The following CCDC91 variants were observed in gnomAD, a reference collection of about 807,000 sequenced individuals.
CCDC91 encodes the protein coiled-coil domain containing 91.
In CCDC91, 48 loss-of-function variants were observed where a neutral mutation model predicts 63.2. The observed-to-expected ratio is 0.76, with a 90% CI of 0.60 to 0.97. The LOEUF (loss-of-function observed/expected upper bound fraction) is 0.97, where lower values mean the gene tolerates loss of function less well. CCDC91 is among the 50% of genes least tolerant of loss of function. The probability of loss-of-function intolerance (pLI) is 0.00; values close to 1 mark genes in which losing one functional copy is unlikely to be tolerated. For missense variants in CCDC91, 500 were observed against 494.6 expected, an observed-to-expected ratio of 1.01 and a Z score of -0.10; for synonymous variants, 167 against 165.8, an observed-to-expected ratio of 1.01 and a Z score of -0.06.
chr12:28,507,458 A>G (rs781647962), intron 12 of CCDC91, among the ~76,000 whole-genome samples: 19 of 152,006 alleles, frequency 1.2e-4, no homozygotes, highest in Non-Finnish European at 2.5e-4. Context: ...AATCACTGCC[A>G]GTTTTCTCAA....
chr12:28,506,700 C>G (rs1275797110), intron 12 of CCDC91, among the ~76,000 whole-genome samples: 1 of 151,710 alleles, frequency 6.6e-6, no homozygotes, highest in East Asian at 2.0e-4. Flanking sequence ...GGTAAGAAAA[C>G]TAAAGCTTTG....
At chr12:28,476,722 G>A (rs1426938487) in intron 11 of CCDC91, among the ~76,000 whole-genome samples, 1 of 151,948 alleles carries the variant, frequency 6.6e-6, no homozygotes, top group Non-Finnish European at 1.5e-5. Flanking sequence ...TAGACCACTA[G>A]CAAGACTAAT....
intron 3 of CCDC91, among the ~76,000 whole-genome samples, chr12:28,281,710 G>C (rs1948618374): frequency 6.6e-6 from 1 of 152,142 alleles, no homozygotes; most frequent in African/African-American, 2.4e-5. Context: ...ATTAGCAACA[G>C]TGTTGTTAGA....
At chr12:28,466,161 T>C (rs1950540098) in intron 11 of CCDC91, among the ~76,000 whole-genome samples, 1 of 152,000 alleles carries the variant, frequency 6.6e-6, no homozygotes, top group South Asian at 2.1e-4. Flanking sequence ...AAACAGGCTA[T>C]ACACAAAGGA....
At chr12:28,228,379 C>T (rs957554965) in intron 1 of CCDC91, among the ~76,000 whole-genome samples, 1 of 152,064 alleles carries the variant, frequency 6.6e-6, no homozygotes, top group African/African-American at 2.4e-5. Context: ...GCAAGTCTGT[C>T]TTTCTATTAA....
chr12:28,217,060 C>T (rs908491675), intron 1 of CCDC91, among the ~76,000 whole-genome samples: 15 of 152,082 alleles, frequency 9.9e-5, no homozygotes, highest in African/African-American at 3.6e-4. Context: ...ATTACTACTG[C>T]TTCCCTGTTA....
intron 11 of CCDC91, among the ~76,000 whole-genome samples, chr12:28,483,786 G>A (rs1383334603): frequency 6.6e-6 from 1 of 152,074 alleles, no homozygotes; most frequent in Non-Finnish European, 1.5e-5. Context: ...TGAAAGGTTG[G>A]TAGGGAAGCC....
intron 12 of CCDC91, among the ~76,000 whole-genome samples, chr12:28,493,139 A>G (rs1211507561): frequency 6.6e-6 from 1 of 151,658 alleles, no homozygotes; most frequent in Non-Finnish European, 1.5e-5. Flanking sequence ...AATCCTCACA[A>G]CAACCCTAAA....
intron 3 of CCDC91, among the ~76,000 whole-genome samples, chr12:28,299,833 T>C (rs1225363400): frequency 6.6e-6 from 1 of 151,628 alleles, no homozygotes; most frequent in African/African-American, 2.4e-5. Context: ...GGATATTTTT[T>C]ATTCCCTCAA....
chr12:28,387,637 A>T (rs1213239965), intron 7 of CCDC91, among the ~76,000 whole-genome samples: 1 of 151,910 alleles, frequency 6.6e-6, no homozygotes, highest in African/African-American at 2.4e-5. Flanking sequence ...AGAACATGTG[A>T]TGTTTGGTTT....
intron 1 of CCDC91, among the ~76,000 whole-genome samples, chr12:28,220,302 A>G (rs1943851266): frequency 6.6e-6 from 1 of 152,090 alleles, no homozygotes; most frequent in Admixed American, 6.6e-5. Flanking sequence ...TGTAATGTCT[A>G]CAATATACAT....
intron 12 of CCDC91, among the ~76,000 whole-genome samples, chr12:28,519,275 G>A (rs1940311310): frequency 6.6e-6 from 1 of 150,464 alleles, no homozygotes; most frequent in African/African-American, 2.4e-5. Flanking sequence ...CCTTAGTTAG[G>A]TATATTGCTA....
chr12:28,334,749 A>G (rs1193501986), intron 6 of CCDC91, among the ~76,000 whole-genome samples: 1 of 152,170 alleles, frequency 6.6e-6, no homozygotes, highest in Non-Finnish European at 1.5e-5. Context: ...ATATACATTT[A>G]CCTTACAGGA....
At chr12:28,431,058 C>T (rs1948599766) in intron 8 of CCDC91, among the ~76,000 whole-genome samples, 2 of 152,216 alleles carry the variant, frequency 1.3e-5, no homozygotes, top group Middle Eastern at 3.4e-3. Flanking sequence ...AATCTCTCTT[C>T]ATTGTTGAGT....
rs79896392 is a variant in CCDC91 at position 28,238,663 on chromosome 12, C to T, written c.-14-18539C>T. 4.4e-3 allele frequency among the ~76,000 whole-genome samples: 667 copies of T among 152,156 alleles called. 8 individuals carry two copies. The highest frequency in any genetic ancestry group is 0.013 in the African/African-American group (560 of 41,508). On this transcript the variant is annotated intron_variant, in intron 1 of 12. Coordinates refer to ENST00000536442, the MANE Select transcript of CCDC91 (RefSeq NM_018318.5). ...CAAAAACTGGAAATGCAATTTATGT[C>T]TATCAGTAGGGGAATTGTGAATGTA...
chr12:28,206,808 A>G (rs1324407031), intron 1 of CCDC91, among the ~76,000 whole-genome samples: 2 of 152,230 alleles, frequency 1.3e-5, no homozygotes, highest in South Asian at 2.1e-4. Flanking sequence ...CTATCATGCT[A>G]TAGAGCCTAT....
rs552789442 is a variant in CCDC91, at chr12:28,314,699, G to A, written c.576+6950G>A. ...GAATTGTAGTCTGACAAGAGAAAGAGTAATTAATAAATGGAATGTGTGTAA... is the reference window on the plus strand; with the variant it reads ...GAATTGTAGTCTGACAAGAGAAAGAATAATTAATAAATGGAATGTGTGTAA... On this transcript the variant is annotated intron_variant, in intron 6 of 12. Transcript: ENST00000536442. Among the ~76,000 whole-genome samples the A allele has an allele frequency of 3.9e-5, 6 of 152,098 alleles. No individual in the cohort carries two copies. In the East Asian group the frequency reaches 1.2e-3, roughly 29 times the overall value.
chr12:28,547,889 G>A (rs573358950), intron 12 of CCDC91, among the ~76,000 whole-genome samples: 18 of 152,212 alleles, frequency 1.2e-4, no homozygotes, highest in Admixed American at 5.2e-4. Context: ...TGCCTTTGTG[G>A]GGGATGCAGG....
intron 1 of CCDC91, among the ~76,000 whole-genome samples, chr12:28,204,955 T>C (rs137926014): frequency 1.3e-3 from 194 of 152,320 alleles, no homozygotes; most frequent in African/African-American, 4.5e-3. Context: ...TTTTTAAGAT[T>C]TATTACGTAT....
Sources: gnomAD v4.1 joint callset for allele counts (sites outside exome capture counted in the v4.1 genomes callset) on GRCh38, gnomAD v4.1.1 for gene constraint, MANE v1.5 for transcripts, NCBI Gene and HGNC (gene_info 2026-07-23, HGNC 2026-07-21) for gene names.